Variants in ACTRT2 observed in about 807,000 individuals in gnomAD.
The protein encoded by ACTRT2 is actin related protein T2, also known as actin-related protein T2.
A neutral mutation model predicts 1.2 loss-of-function variants in ACTRT2; 1 was observed. That is an observed-to-expected ratio of 0.80 (90% CI 0.29 to 3.81). The LOEUF (loss-of-function observed/expected upper bound fraction) is 3.81. Among genes scored for constraint, ACTRT2 ranks in the 30% most tolerant of loss-of-function variants. The pLI, the probability that ACTRT2 is intolerant of heterozygous loss-of-function variation, is 0.18. For synonymous variants in ACTRT2, 262 were observed against 228.9 expected (o/e 1.14, Z -1.30); for missense variants, 488 against 497.9 (o/e 0.98, Z 0.19).
Position 3,022,714 on chromosome 1 carries a change from T to A in ACTRT2, c.1028T>A (p.Ile343Asn), listed in dbSNP as rs752149884. ...CCCGACCGGTGGTTCTCCACCTGGATTGGAGCCTCCATCGTCACCTCTCTG... is the reference window on the plus strand; with the variant it reads ...CCCGACCGGTGGTTCTCCACCTGGAATGGAGCCTCCATCGTCACCTCTCTG... The part of the protein sequence containing the change: ...APPDRWFSTW[I>N]GASIVTSLSS... Residue 343 changes from isoleucine to asparagine, a missense_variant, in exon 1 of 1, where the codon ATT becomes AAT. Ile to Asn is a moderately radical substitution (Grantham distance 149, BLOSUM62 -3). Coordinates refer to ENST00000378404, the MANE Select transcript of ACTRT2 (RefSeq NM_080431.5). This position sits in a 1 kb window ranked among gnomAD's most constrained non-coding sequence, Gnocchi z 7.7. 2 of 1,613,292 alleles carry A rather than the reference T, an allele frequency of 1.2e-6. No homozygotes were observed. The highest frequency in any genetic ancestry group is 2.7e-5 in the African/African-American group (2 of 74,866).
At position 3,021,763 on chromosome 1, in the gene ACTRT2, C is replaced by A; in HGVS notation, c.77C>A (p.Ser26Tyr). 1 of 1,613,796 alleles carries A rather than the reference C, an allele frequency of 6.2e-7. No individual in the cohort carries two copies. The highest frequency in any genetic ancestry group is 8.5e-7 in the Non-Finnish European group (1 of 1,180,028). The part of the protein sequence containing the change: ...NGSGFCKAGL[S>Y]GEFGPRHMVS... ...TCGGGGTTCTGCAAAGCGGGCCTGTCTGGGGAGTTTGGACCCCGGCACATG... is the reference window on the plus strand; with the variant it reads ...TCGGGGTTCTGCAAAGCGGGCCTGTATGGGGAGTTTGGACCCCGGCACATG... Residue 26 changes from serine (S) to tyrosine (Y), a missense_variant, in exon 1 of 1, where the codon TCT becomes TAT. Transcript: ENST00000378404.
Position 3,021,781 on chromosome 1 carries a change from G to T in ACTRT2, c.95G>T (p.Arg32Leu), listed in dbSNP as rs369285757. 5.0e-6 allele frequency: 8 copies of T among 1,613,704 alleles called. No homozygotes were observed. In the African/African-American group the frequency reaches 1.1e-4, roughly 22 times the overall value. The change falls in exon 1 of 1, where the codon CGG becomes CTG. Residue 32 changes from arginine to leucine, a missense_variant. Arg to Leu is a moderately radical substitution (Grantham distance 102). Transcript: ENST00000378404. ...KAGLSGEFGP[R>L]HMVSSIVGHL... ...GGCCTGTCTGGGGAGTTTGGACCCC[G>T]GCACATGGTCAGCTCCATCGTGGGG...
Position 3,021,594 on chromosome 1 carries a change from T to G in ACTRT2, c.-93T>G. The G allele has an allele frequency of 2.0e-6, 3 of 1,486,244 alleles. No individual in the cohort carries two copies. The highest frequency in any genetic ancestry group is 2.1e-5 in the Admixed American group (1 of 47,292). The allele number at this position is 1,486,244 out of a possible 1,614,324, so 92.1% of individuals were successfully genotyped here. On this transcript the variant is annotated 5_prime_UTR_variant, in exon 1 of 1. Transcript: ENST00000378404. Reference sequence around the variant, plus strand: ...CTGCCTTGAGACACCCCGAGAGCTGTGGGAAGAGCTGTGGGATCCCCTATT... The same window carrying G: ...CTGCCTTGAGACACCCCGAGAGCTGGGGGAAGAGCTGTGGGATCCCCTATT...
Position 3,022,373 on chromosome 1 carries a change from G to A in ACTRT2, c.687G>A (p.Lys229=). 6.2e-7 allele frequency: 1 copy of A among 1,612,956 alleles called. No individual in the cohort carries two copies. The highest frequency in any genetic ancestry group is 8.5e-7 in the Non-Finnish European group (1 of 1,180,042). ...GCTACGTGGCCTTGGAGCCCGAGAA[G>A]GAGCTTTCCCGGAGGCCGGAGGAGG... ...KLCYVALEPE[K]ELSRRPEEVL... is the part of the protein sequence containing the mutation. The change falls in exon 1 of 1, where the codon AAG becomes AAA. Residue 229 remains lysine, a synonymous_variant. Coordinates refer to ENST00000378404, the MANE Select transcript of ACTRT2 (RefSeq NM_080431.5). The surrounding 1 kb of genome is among the most constrained non-coding windows in gnomAD (Gnocchi z 7.7).
In ACTRT2 at chr1:3,022,201, G is replaced by A; in HGVS notation, c.515G>A (p.Gly172Asp). The A allele has an allele frequency of 6.2e-7, 1 of 1,613,050 alleles. No individual in the cohort carries two copies. Among genetic ancestry groups the A allele is most frequent in the Non-Finnish European group, 8.5e-7 (1 of 1,180,022 alleles). The change falls in exon 1 of 1, where the codon GGT becomes GAT. Residue 172 changes from glycine (G) to aspartate (D), a missense_variant. Transcript: ENST00000378404. The surrounding 1 kb of genome is among the most constrained non-coding windows in gnomAD (Gnocchi z 7.7). ...AVTCTVPIFEGYSLPHAVTKL... is the reference protein window; with the variant it reads ...AVTCTVPIFEDYSLPHAVTKL... The stretch of plus-strand genomic sequence containing the variant: ...ACCTGCACTGTCCCCATCTTTGAGG[G>A]TTACTCCCTGCCCCACGCAGTCACC...
chr1:3,022,213 C>T lies in ACTRT2; in HGVS notation c.527C>T (p.Pro176Leu), dbSNP rs1210435267. 3 of 1,612,986 alleles carry T rather than the reference C, an allele frequency of 1.9e-6. No individual in the cohort carries two copies. Among genetic ancestry groups the T allele is most frequent in the South Asian group, 2.2e-5 (2 of 91,086 alleles). The change falls in exon 1 of 1, where the codon CCC becomes CTC. Residue 176 changes from proline to leucine, a missense_variant. Pro to Leu is a moderately conservative substitution (Grantham distance 98, BLOSUM62 -3). Transcript: ENST00000378404. This position sits in a 1 kb window ranked among gnomAD's most constrained non-coding sequence, Gnocchi z 7.7. ...CCCATCTTTGAGGGTTACTCCCTGCCCCACGCAGTCACCAAGCTCCACGTG... is the reference window on the plus strand; with the variant it reads ...CCCATCTTTGAGGGTTACTCCCTGCTCCACGCAGTCACCAAGCTCCACGTG... ...TVPIFEGYSLPHAVTKLHVAG... is the reference protein window; with the variant it reads ...TVPIFEGYSLLHAVTKLHVAG...
Position 3,021,571 on chromosome 1 carries a change from G to T in ACTRT2, c.-116G>T. The T allele has an allele frequency of 2.1e-6, 3 of 1,425,382 alleles. No individual in the cohort carries two copies. Among genetic ancestry groups the T allele is most frequent in the Non-Finnish European group, 2.8e-6 (3 of 1,056,948 alleles). The allele number at this position is 1,425,382 out of a possible 1,614,324, so 88.3% of individuals were successfully genotyped here. ...GGCTCCCGGGCACGGTGCTAGCCCT[G>T]CCTTGAGACACCCCGAGAGCTGTGG... On this transcript the variant is annotated 5_prime_UTR_variant, in exon 1 of 1. Coordinates refer to ENST00000378404, the MANE Select transcript of ACTRT2 (RefSeq NM_080431.5).
Position 3,022,248 on chromosome 1 carries a change from G to A in ACTRT2, c.562G>A (p.Asp188Asn), listed in dbSNP as rs201996362. 96 of 1,612,776 alleles carry A rather than the reference G, an allele frequency of 6.0e-5. No homozygotes were observed. Among genetic ancestry groups the A allele is most frequent in the Non-Finnish European group, 8.0e-5 (94 of 1,180,014 alleles). The change falls in exon 1 of 1, where the codon GAC becomes AAC. Residue 188 changes from aspartate (D) to asparagine (N), a missense_variant. Transcript: ENST00000378404. This position sits in a 1 kb window ranked among gnomAD's most constrained non-coding sequence, Gnocchi z 7.7. ...AVTKLHVAGR[D>N]ITELLMQLLL... is the part of the protein sequence containing the mutation. ...CACCAAGCTCCACGTGGCGGGCAGG[G>A]ACATCACGGAGCTCCTCATGCAGCT...
rs1304504225 is a variant in ACTRT2, at chr1:3,022,884, A to G, written c.*64A>G. ...AGCCCCAGCTTTGGGAGGATGTTCAATAAAGGACCAATGCCGGAACACCTG... is the reference window on the plus strand; with the variant it reads ...AGCCCCAGCTTTGGGAGGATGTTCAGTAAAGGACCAATGCCGGAACACCTG... On this transcript the variant is annotated 3_prime_UTR_variant, in exon 1 of 1. Transcript: ENST00000378404. The surrounding 1 kb of genome is among the most constrained non-coding windows in gnomAD (Gnocchi z 7.7). The G allele has an allele frequency of 7.2e-6, 11 of 1,535,506 alleles. No individual in the cohort carries two copies. The South Asian group carries it at 9.0e-5, about 12-fold the overall frequency.
Position 3,022,867 on chromosome 1 carries a change from C to G in ACTRT2, c.*47C>G, listed in dbSNP as rs376178720. ...CGTGGGGGGTGAACCCTAGCCCCAG[C>G]TTTGGGAGGATGTTCAATAAAGGAC... On this transcript the variant is annotated 3_prime_UTR_variant, in exon 1 of 1. Coordinates refer to ENST00000378404, the MANE Select transcript of ACTRT2 (RefSeq NM_080431.5). The surrounding 1 kb of genome is among the most constrained non-coding windows in gnomAD (Gnocchi z 7.7). 1 of 1,551,412 alleles carries G rather than the reference C, an allele frequency of 6.4e-7. No homozygotes were observed. Among genetic ancestry groups the G allele is most frequent in the African/African-American group, 1.4e-5 (1 of 72,862 alleles).
chr1:3,022,521 A>G lies in ACTRT2; in HGVS notation c.835A>G (p.Met279Val). The G allele has an allele frequency of 1.2e-6, 2 of 1,612,878 alleles. No homozygotes were observed. The highest frequency in any genetic ancestry group is 1.7e-6 in the Non-Finnish European group (2 of 1,180,022). ...LGSQSPGLSN[M>V]VSSSITKCDT... ...CAGCCAGAGCCCCGGGCTCTCGAATATGGTCTCCAGCAGCATCACCAAGTG... is the reference window on the plus strand; with the variant it reads ...CAGCCAGAGCCCCGGGCTCTCGAATGTGGTCTCCAGCAGCATCACCAAGTG... The change falls in exon 1 of 1, where the codon ATG (methionine) becomes GTG (valine). Residue 279 changes from methionine (M) to valine (V), a missense_variant. Met to Val is a conservative substitution (Grantham distance 21). Transcript: ENST00000378404. The surrounding 1 kb of genome is among the most constrained non-coding windows in gnomAD (Gnocchi z 7.7).
rs372299405 is a variant in ACTRT2, at chr1:3,022,631, T to C, written c.945T>C (p.Leu315=). 4 of 1,613,062 alleles carry C rather than the reference T, an allele frequency of 2.5e-6. No homozygotes were observed. The highest frequency in any genetic ancestry group is 4.5e-5 in the East Asian group (2 of 44,840). The change falls in exon 1 of 1, where the codon CTT becomes CTC. Residue 315 remains leucine (L), a synonymous_variant. Coordinates refer to ENST00000378404, the MANE Select transcript of ACTRT2 (RefSeq NM_080431.5). The surrounding 1 kb of genome is among the most constrained non-coding windows in gnomAD (Gnocchi z 7.7). Reference sequence around the variant, plus strand: ...TGTTCCACGGGCTGGATGACCGGCTTCTCAAGGAGCTGGAGCAGCTGGCCT... The same window carrying C: ...TGTTCCACGGGCTGGATGACCGGCTCCTCAAGGAGCTGGAGCAGCTGGCCT... ...TTLFHGLDDR[L]LKELEQLASK...
Position 3,022,129 on chromosome 1 carries a change from C to T in ACTRT2, c.443C>T (p.Ala148Val). ...GACCAGGCGGTGCTGGCTCTCTACG[C>T]CTCTGCCTGTGTCACGGGCCTGGTG... ...LSDQAVLALY[A>V]SACVTGLVVD... is the part of the protein sequence containing the mutation. The change falls in exon 1 of 1, where the codon GCC becomes GTC. Residue 148 changes from alanine to valine, a missense_variant. By Grantham distance (64) the Ala-to-Val change is moderately conservative (BLOSUM62 0). Coordinates refer to ENST00000378404, the MANE Select transcript of ACTRT2 (RefSeq NM_080431.5). This position sits in a 1 kb window ranked among gnomAD's most constrained non-coding sequence, Gnocchi z 7.7. The T allele has an allele frequency of 6.2e-7, 1 of 1,613,240 alleles. No homozygotes were observed. Among genetic ancestry groups the T allele is most frequent in the Non-Finnish European group, 8.5e-7 (1 of 1,180,040 alleles).
chr1:3,022,322 C>A lies in ACTRT2; in HGVS notation c.636C>A (p.Leu212=), dbSNP rs61745279. 140 of 1,612,812 alleles carry A rather than the reference C, an allele frequency of 8.7e-5. No homozygotes were observed. Among genetic ancestry groups the A allele is most frequent in the Non-Finnish European group, 9.6e-5 (113 of 1,180,014 alleles). ...TCCCCTGCCAGCTGGACAAGGGTCT[C>A]GTGGACGACATCAAAAAGAAGCTGT... The part of the protein sequence containing the change: ...HTFPCQLDKG[L]VDDIKKKLCY... Residue 212 remains leucine (L), a synonymous_variant, in exon 1 of 1, where the codon CTC becomes CTA. Transcript: ENST00000378404. This position sits in a 1 kb window ranked among gnomAD's most constrained non-coding sequence, Gnocchi z 7.7.
Position 3,022,824 on chromosome 1 carries a change from C to A in ACTRT2, c.*4C>A. On this transcript the variant is annotated 3_prime_UTR_variant, in exon 1 of 1. Transcript: ENST00000378404. This position sits in a 1 kb window ranked among gnomAD's most constrained non-coding sequence, Gnocchi z 7.7. ...GGTGCAGAGAAGATGCTTCTGAAGG[C>A]CGCTTCTCGTTGGGTACCGTGGGGG... is the stretch of plus-strand genomic sequence containing the variant. The A allele has an allele frequency of 6.2e-7, 1 of 1,600,472 alleles. No homozygotes were observed. The highest frequency in any genetic ancestry group is 8.5e-7 in the Non-Finnish European group (1 of 1,170,460).
rs776703160 is a variant in ACTRT2 at position 3,022,770 on chromosome 1, G to T, written c.1084G>T (p.Ala362Ser). The T allele has an allele frequency of 3.1e-6, 5 of 1,613,798 alleles. No homozygotes were observed. The highest frequency in any genetic ancestry group is 2.2e-5 in the South Asian group (2 of 91,054). Residue 362 changes from alanine to serine, a missense_variant, in exon 1 of 1, where the codon GCA (alanine) becomes TCA (serine). Transcript: ENST00000378404. This position sits in a 1 kb window ranked among gnomAD's most constrained non-coding sequence, Gnocchi z 7.7. ...CTTCAAGCAGATGTGGGTCACCGCCGCAGACTTCAAGGAGTTTGGGACCTC... is the reference window on the plus strand; with the variant it reads ...CTTCAAGCAGATGTGGGTCACCGCCTCAGACTTCAAGGAGTTTGGGACCTC... ...SSFKQMWVTA[A>S]DFKEFGTSVV... is the part of the protein sequence containing the mutation.
rs758479428 is a variant in ACTRT2 at position 3,022,390 on chromosome 1, C to T, written c.704C>T (p.Pro235Leu). ...CCCGAGAAGGAGCTTTCCCGGAGGC[C>T]GGAGGAGGTCCTGAGGGAGTACAAG... The part of the protein sequence containing the change: ...LEPEKELSRR[P>L]EEVLREYKLP... The change falls in exon 1 of 1, where the codon CCG becomes CTG. Residue 235 changes from proline to leucine, a missense_variant. By Grantham distance (98) the Pro-to-Leu change is moderately conservative (BLOSUM62 -3). Transcript: ENST00000378404. This position sits in a 1 kb window ranked among gnomAD's most constrained non-coding sequence, Gnocchi z 7.7. 12 of 1,612,762 alleles carry T rather than the reference C, an allele frequency of 7.4e-6. No homozygotes were observed. The highest frequency in any genetic ancestry group is 1.6e-4 in the Middle Eastern group (1 of 6,084).
chr1:3,022,038 G>A lies in ACTRT2; in HGVS notation c.352G>A (p.Glu118Lys), dbSNP rs749018428. 13 of 1,613,476 alleles carry A rather than the reference G, an allele frequency of 8.1e-6. No individual in the cohort carries two copies. The highest frequency in any genetic ancestry group is 7.7e-5 in the South Asian group (7 of 91,088). ...AACGGAGCCCTCCCTGAACCCCAGG[G>A]AGAACCGTGAGAAGATGGCAGAAGT... ...LATEPSLNPR[E>K]NREKMAEVMF... Residue 118 changes from glutamate (E) to lysine (K), a missense_variant, in exon 1 of 1, where the codon GAG (glutamate) becomes AAG (lysine). Transcript: ENST00000378404. This position sits in a 1 kb window ranked among gnomAD's most constrained non-coding sequence, Gnocchi z 7.7.
chr1:3,022,277 C>G lies in ACTRT2; in HGVS notation c.591C>G (p.Leu197=). The G allele has an allele frequency of 1.2e-6, 2 of 1,612,718 alleles. No homozygotes were observed. Among genetic ancestry groups the G allele is most frequent in the Admixed American group, 1.7e-5 (1 of 60,012 alleles). Residue 197 remains leucine, a synonymous_variant, in exon 1 of 1, where the codon CTC becomes CTG. Coordinates refer to ENST00000378404, the MANE Select transcript of ACTRT2 (RefSeq NM_080431.5). This position sits in a 1 kb window ranked among gnomAD's most constrained non-coding sequence, Gnocchi z 7.7. ...TCACGGAGCTCCTCATGCAGCTGCT[C>G]CTGGCCAGCGGCCACACCTTCCCCT... ...RDITELLMQL[L]LASGHTFPCQ...
Sources: gnomAD v4.1 joint callset for allele counts on GRCh38, gnomAD v4.1.1 for gene constraint, Gnocchi (gnomAD v3.1) non-coding constraint, MANE v1.5 for transcripts, NCBI Gene and HGNC (gene_info 2026-07-23, HGNC 2026-07-21) for gene names.